GRK5: variants seen among roughly 807,000 people sequenced by gnomAD.
GRK5 encodes G protein-coupled receptor kinase 5, also known as g protein-coupled receptor kinase GRK5.
A neutral mutation model predicts 78.4 loss-of-function variants in GRK5; 40 were observed. The observed-to-expected ratio is 0.51, with a 90% CI of 0.40 to 0.66. The LOEUF (loss-of-function observed/expected upper bound fraction) is 0.66, where lower values mean the gene tolerates loss of function less well. GRK5 is among the 30% of genes least tolerant of loss of function. The probability of loss-of-function intolerance (pLI) is 0.00; values close to 1 mark genes in which losing one functional copy is unlikely to be tolerated. For missense variants in GRK5, 598 were observed against 759.9 expected, an observed-to-expected ratio of 0.79 and a Z score of 2.50; for synonymous variants, 289 against 296.8, an observed-to-expected ratio of 0.97 and a Z score of 0.27.
intron 1 of GRK5, among the ~76,000 whole-genome samples, chr10:119,221,639 C>G (rs1017037718): frequency 2.0e-5 from 3 of 152,140 alleles, no homozygotes; most frequent in Non-Finnish European, 4.4e-5. Context: ...GAATATCCTA[C>G]CCATGATATA....
At chr10:119,394,356 G>GGCTA (rs1851974836) in intron 3 of GRK5, among the ~76,000 whole-genome samples, 1 of 107,340 alleles carries the variant, frequency 9.3e-6, no homozygotes, top group Non-Finnish European at 2.0e-5. Flanking sequence ...GCATGTGGGT[G>GGCTA]TGTGGGTGTG....
chr10:119,309,117 C>G (rs1484903475), intron 1 of GRK5, among the ~76,000 whole-genome samples: 1 of 152,180 alleles, frequency 6.6e-6, no homozygotes, highest in Non-Finnish European at 1.5e-5. Context: ...CGTGAGGGAC[C>G]GTGTGGTCTC....
At position 119,452,062 on chromosome 10, in the gene GRK5, G is replaced by A. The variant is rs1057339389; in HGVS notation, c.1405-609G>A. 3.9e-5 allele frequency among the ~76,000 whole-genome samples: 6 copies of A among 152,192 alleles called. No homozygotes were observed. The highest frequency in any genetic ancestry group is 1.4e-4 in the African/African-American group (6 of 41,444). ...TTCATCTCTGCCCTGGCATAGAGCA[G>A]GCCCCCAGTGCACAGCTGAGGGACG... On this transcript the variant is annotated intron_variant, in intron 13 of 15. Coordinates refer to ENST00000392870, the MANE Select transcript of GRK5 (RefSeq NM_005308.3). The surrounding 1 kb of genome is among the most constrained non-coding windows in gnomAD (Gnocchi z 4.4).
chr10:119,413,834 C>T (rs1040597171), intron 4 of GRK5, among the ~76,000 whole-genome samples: 1 of 152,140 alleles, frequency 6.6e-6, no homozygotes, highest in Non-Finnish European at 1.5e-5. Flanking sequence ...GCCGGCCCGT[C>T]CCTCAGGCGC....
At chr10:119,409,354 A>C (rs1211019583) in intron 4 of GRK5, among the ~76,000 whole-genome samples, 1 of 152,176 alleles carries the variant, frequency 6.6e-6, no homozygotes, top group African/African-American at 2.4e-5. Context: ...AGCTCCTCAC[A>C]GTGGGCCAGG....
Position 119,412,112 on chromosome 10 carries a change from A to G in GRK5, c.340-11054A>G, listed in dbSNP as rs933959562. ...GTGATCCACCTCCCTCGGCCTCCCA[A>G]AGTGCTGGGATTCCAGGCGTGAGCC... On this transcript the variant is annotated intron_variant, in intron 4 of 15. Transcript: ENST00000392870. The surrounding 1 kb of genome is among the most constrained non-coding windows in gnomAD (Gnocchi z 4.3). 1.8e-4 allele frequency among the ~76,000 whole-genome samples: 27 copies of G among 152,082 alleles called. No individual in the cohort carries two copies. The highest frequency in any genetic ancestry group is 6.3e-4 in the African/African-American group (26 of 41,492).
chr10:119,289,464 G>A (rs1849913797), intron 1 of GRK5, among the ~76,000 whole-genome samples: 1 of 152,222 alleles, frequency 6.6e-6, no homozygotes, highest in Non-Finnish European at 1.5e-5. Context: ...TGACCTGCCT[G>A]TGGCTCTCTT....
chr10:119,366,048 C>T (rs1003346039), intron 2 of GRK5, among the ~76,000 whole-genome samples: 1 of 152,228 alleles, frequency 6.6e-6, no homozygotes, highest in African/African-American at 2.4e-5. Context: ...CCTGACTGCT[C>T]CAAGTCGGGT....
intron 4 of GRK5, among the ~76,000 whole-genome samples, chr10:119,408,624 T>G (rs1422979171): frequency 1.3e-5 from 2 of 152,180 alleles, no homozygotes; most frequent in Non-Finnish European, 2.9e-5. Context: ...TGATTCCATT[T>G]CTATGAGGTA....
At chr10:119,325,286 G>A (rs531325706) in intron 1 of GRK5, among the ~76,000 whole-genome samples, 28 of 152,336 alleles carry the variant, frequency 1.8e-4, no homozygotes, top group African/African-American at 6.5e-4. Context: ...GAGAGGGCGG[G>A]TGCTTGTCCA....
At chr10:119,376,025 A>C (rs973434842) in intron 2 of GRK5, among the ~76,000 whole-genome samples, 2 of 152,226 alleles carry the variant, frequency 1.3e-5, no homozygotes, top group African/African-American at 2.4e-5. Context: ...TTGATTTACC[A>C]GTGAGACACT....
In GRK5 at chr10:119,448,108, G is replaced by T. The variant is rs1382381111; in HGVS notation, c.1267-15G>T. 1 of 1,530,532 alleles carries T rather than the reference G, an allele frequency of 6.5e-7. No individual in the cohort carries two copies. The highest frequency in any genetic ancestry group is 8.7e-7 in the Non-Finnish European group (1 of 1,144,094). The allele number at this position is 1,530,532 out of a possible 1,614,324, so 94.8% of individuals were successfully genotyped here. ...AGGCCCAGGGGACGTGGCTTCATGG[G>T]GCTCTCTGTTTCAGCTGCTCACGAA... On this transcript the variant is annotated splice_polypyrimidine_tract_variant and intron_variant, in intron 12 of 15. Transcript: ENST00000392870.
At position 119,378,702 on chromosome 10, in the gene GRK5, G is replaced by C. The variant is rs1021331620; in HGVS notation, c.149-2113G>C. On this transcript the variant is annotated intron_variant, in intron 2 of 15. Coordinates refer to ENST00000392870, the MANE Select transcript of GRK5 (RefSeq NM_005308.3). This position sits in a 1 kb window ranked among gnomAD's most constrained non-coding sequence, Gnocchi z 4.5. Reference sequence around the variant, plus strand: ...TCCGTGGGCTCTCGCTGCGTGGGGGGAAGGCGGTCTCAGCAGCCCTCGGCT... The same window carrying C: ...TCCGTGGGCTCTCGCTGCGTGGGGGCAAGGCGGTCTCAGCAGCCCTCGGCT... Among the ~76,000 whole-genome samples, 1 of 152,250 alleles carries C rather than the reference G, an allele frequency of 6.6e-6. No homozygotes were observed. Among genetic ancestry groups the C allele is most frequent in the Non-Finnish European group, 1.5e-5 (1 of 68,044 alleles).
At chr10:119,395,708 A>G (rs1852038606) in intron 3 of GRK5, among the ~76,000 whole-genome samples, 1 of 152,178 alleles carries the variant, frequency 6.6e-6, no homozygotes, top group East Asian at 1.9e-4. Flanking sequence ...CAGGGAAATT[A>G]AAAAGTCTGT....
In GRK5 at chr10:119,395,737, C is replaced by T. The variant is rs187370021; in HGVS notation, c.262-958C>T. On this transcript the variant is annotated intron_variant, in intron 3 of 15. Transcript: ENST00000392870. ...AGTCTGTTTTTTGGAGACCTCCCAT[C>T]TTTAGAGCTTGGGCCCCCTGGCTTG... Among the ~76,000 whole-genome samples the T allele has an allele frequency of 2.0e-3, 301 of 152,274 alleles. 1 individual carries two copies. The highest frequency in any genetic ancestry group is 6.1e-3 in the African/African-American group (254 of 41,546).
intron 9 of GRK5, among the ~76,000 whole-genome samples, chr10:119,438,413 A>G (rs539028806): frequency 1.4e-3 from 209 of 152,304 alleles, no homozygotes; most frequent in Non-Finnish European, 2.2e-3. Context: ...AGACCTTTGC[A>G]GTGGAGCTCA....
At chr10:119,364,291 G>T (rs1851411113) in intron 2 of GRK5, among the ~76,000 whole-genome samples, 1 of 152,212 alleles carries the variant, frequency 6.6e-6, no homozygotes, top group African/African-American at 2.4e-5. Flanking sequence ...GGGTTCCCTT[G>T]GGGGTGGAGC....
intron 4 of GRK5, among the ~76,000 whole-genome samples, chr10:119,409,130 C>A (rs996702594): frequency 2.0e-5 from 3 of 152,252 alleles, no homozygotes; most frequent in Non-Finnish European, 4.4e-5. Flanking sequence ...TCCTGACCCC[C>A]AACCTGGGCC....
At chr10:119,416,215 G>C (rs1852447993) in intron 4 of GRK5, among the ~76,000 whole-genome samples, 1 of 152,258 alleles carries the variant, frequency 6.6e-6, no homozygotes, top group Admixed American at 6.5e-5. Context: ...CAAACATCTG[G>C]AGTTTCGCAC....
Sources: gnomAD v4.1 joint callset for allele counts (sites outside exome capture counted in the v4.1 genomes callset) on GRCh38, gnomAD v4.1.1 for gene constraint, Gnocchi (gnomAD v3.1) non-coding constraint, MANE v1.5 for transcripts, NCBI Gene and HGNC (gene_info 2026-07-23, HGNC 2026-07-21) for gene names.